FOXP2: variants seen among roughly 807,000 people sequenced by gnomAD.
The protein encoded by FOXP2 is forkhead box P2.
FOXP2 carries 12 observed loss-of-function variants against 115.8 expected under a neutral mutation model. That is an observed-to-expected ratio of 0.10 (90% CI 0.07 to 0.17). FOXP2 has a LOEUF of 0.17. Ranked by LOEUF, FOXP2 falls within the 10% of genes least tolerant of loss-of-function variation. The pLI, the probability that FOXP2 is intolerant of heterozygous loss-of-function variation, is 1.00. For missense variants in FOXP2, 629 were observed against 843.5 expected (o/e 0.75, Z 3.15); for synonymous variants, 328 against 297.7 (o/e 1.10, Z -1.05).
At chr7:114,154,637 A>G (rs1418487284) in intron 1 of FOXP2, among the ~76,000 whole-genome samples, 2 of 152,164 alleles carry the variant, frequency 1.3e-5, no homozygotes, top group Non-Finnish European at 2.9e-5. Flanking sequence ...GACAACTTAT[A>G]CAAAGAATAT....
rs556750222 is a variant in FOXP2 at position 114,480,034 on chromosome 7, A to T, written c.168+53355A>T. 4.0e-5 allele frequency among the ~76,000 whole-genome samples: 6 copies of T among 151,510 alleles called. 1 individual carries two copies. Among genetic ancestry groups the T allele is most frequent in the Admixed American group, 4.0e-4 (6 of 15,156 alleles). ...CCACAGAGTAATTTCTTGCTCTTAA[A>T]CCTTGGACTTTAGGGGGCAGTGACT... On this transcript the variant is annotated intron_variant, in intron 2 of 16. Transcript: ENST00000350908.
At chr7:114,515,538 G>A (rs1008937965) in intron 2 of FOXP2, among the ~76,000 whole-genome samples, 1 of 152,060 alleles carries the variant, frequency 6.6e-6, no homozygotes, top group African/African-American at 2.4e-5. Context: ...GTCTGTTCAT[G>A]TCCTTTGCCC....
chr7:114,240,067 G>T (rs1562831108), intron 1 of FOXP2, among the ~76,000 whole-genome samples: 1 of 152,058 alleles, frequency 6.6e-6, no homozygotes, highest in Non-Finnish European at 1.5e-5. Flanking sequence ...CCACACTCCA[G>T]CCTTCCTCAT....
chr7:114,292,940 C>T (rs779046492), intron 2 of FOXP2, among the ~76,000 whole-genome samples: 4 of 152,134 alleles, frequency 2.6e-5, no homozygotes, highest in East Asian at 1.9e-4. Flanking sequence ...GTTATTCATT[C>T]GTATATTGGC....
chr7:114,669,849 TA>T lies in FOXP2; in HGVS notation c.2003+5415del, dbSNP rs1158730359. The stretch of plus-strand genomic sequence containing the variant: ...TCTACTCAGTTGTTTCTTTTTGTAT[TA>T]AGTAATTGTTTCTCCTCATTCTCAA... On this transcript the variant is annotated intron_variant, in intron 16 of 16. Coordinates refer to ENST00000350908, the MANE Select transcript of FOXP2 (RefSeq NM_014491.4). The T allele has an allele frequency of 5.9e-5, 9 of 152,210 alleles. No individual in the cohort carries two copies. In the East Asian group the frequency reaches 1.7e-3, roughly 29 times the overall value. The allele number at this position is 152,210 out of a possible 1,614,324, so 9.4% of individuals were successfully genotyped here.
rs564334276 is a variant in FOXP2 at position 114,574,992 on chromosome 7, G to A, written c.258+40286G>A. On this transcript the variant is annotated intron_variant, in intron 3 of 16. Transcript: ENST00000350908. ...TCCTGAATGGTTCATTTTTAATGGG[G>A]ATGCTGGGTTGGAAGAAATAAGAAA... Among the ~76,000 whole-genome samples, 364 of 151,952 alleles carry A rather than the reference G, an allele frequency of 2.4e-3. 1 individual carries two copies. The highest frequency in any genetic ancestry group is 6.0e-3 in the South Asian group (29 of 4,824).
chr7:114,414,656 C>T (rs1387842466), upstream of FOXP2: 1 of 166,282 alleles, frequency 6.0e-6, no homozygotes, highest in Non-Finnish European at 1.3e-5. Flanking sequence ...TTCTTTCTGG[C>T]TTATCTGATG....
At position 114,691,256 on chromosome 7, in the gene FOXP2, CTT is replaced by C. The variant is rs1472750577; in HGVS notation, c.*1331_*1332del. The C allele has an allele frequency of 2.2e-6, 1 of 452,148 alleles. No individual in the cohort carries two copies. Among genetic ancestry groups the C allele is most frequent in the Non-Finnish European group, 4.4e-6 (1 of 226,398 alleles). 28.0% of individuals were successfully genotyped at this position (452,148 alleles called of 1,614,324 possible). A position where few individuals can be genotyped will look rare whatever the true frequency, so the allele number is the denominator to read the frequency against. ...TTGTTGTGTACTATTTTTTTATAGT[CTT>C]AAGTTATAATGAAAAAACAAAAAGT... On this transcript the variant is annotated 3_prime_UTR_variant, in exon 17 of 17. Transcript: ENST00000350908.
chr7:114,198,372 T>C (rs934098695), intron 1 of FOXP2, among the ~76,000 whole-genome samples: 4 of 152,130 alleles, frequency 2.6e-5, no homozygotes, highest in African/African-American at 7.2e-5. Context: ...GTCCCCAACA[T>C]TTTTGGCACC....
intron 2 of FOXP2, among the ~76,000 whole-genome samples, chr7:114,382,103 A>T (rs1291504294): frequency 1.3e-5 from 2 of 152,106 alleles, no homozygotes; most frequent in Non-Finnish European, 1.5e-5. Context: ...TGGAAGAGTA[A>T]AGTTCCCCAG....
At chr7:114,500,947 A>C (rs1345074339) in intron 2 of FOXP2, among the ~76,000 whole-genome samples, 8 of 152,106 alleles carry the variant, frequency 5.3e-5, no homozygotes, top group Admixed American at 5.2e-4. Context: ...TATCCATTCT[A>C]TTCTATAAAT....
chr7:114,656,731 T>G (rs2129339831), intron 10 of FOXP2: 1 of 204,412 alleles, frequency 4.9e-6, no homozygotes, highest in African/African-American at 2.3e-5. Context: ...GCTAATGTGC[T>G]TCTTCTGGCT....
At chr7:114,352,329 A>ATGTGC (rs1791512819) in intron 2 of FOXP2, among the ~76,000 whole-genome samples, 2 of 152,174 alleles carry the variant, frequency 1.3e-5, no homozygotes, top group Admixed American at 1.3e-4. Flanking sequence ...GAAAGGTTAT[A>ATGTGC]TGTGCTGTAC....
chr7:114,092,948 C>T (rs1449916962), intron 1 of FOXP2, among the ~76,000 whole-genome samples: 1 of 152,106 alleles, frequency 6.6e-6, no homozygotes, highest in Admixed American at 6.6e-5. Context: ...TGGCCAGATA[C>T]ACCATCATCT....
intron 2 of FOXP2, among the ~76,000 whole-genome samples, chr7:114,506,508 T>TG (rs939103171): frequency 3.3e-5 from 5 of 151,780 alleles, no homozygotes; most frequent in African/African-American, 1.2e-4. Flanking sequence ...ATTATCAAAT[T>TG]GTATTAATCA....
chr7:114,096,963 T>G (rs1799665920), intron 1 of FOXP2, among the ~76,000 whole-genome samples: 2 of 152,086 alleles, frequency 1.3e-5, no homozygotes, highest in African/African-American at 2.4e-5. Flanking sequence ...AAGCAAGTTG[T>G]TTATACATTT....
chr7:114,654,130 A>T (rs760294218), intron 10 of FOXP2, 121 bp downstream of exon 10: 1 of 1,578,966 alleles, frequency 6.3e-7, no homozygotes, highest in East Asian at 2.3e-5. Context: ...CAATAAAATG[A>T]AAGTAAAATG....
At chr7:114,110,465 G>A (rs1485398706) in intron 1 of FOXP2, among the ~76,000 whole-genome samples, 1 of 152,062 alleles carries the variant, frequency 6.6e-6, no homozygotes, top group Admixed American at 6.6e-5. Context: ...ATGAAAAAAG[G>A]TTAATGGATT....
chr7:114,434,112 T>A (rs115887906), intron 2 of FOXP2, among the ~76,000 whole-genome samples: 2 of 151,994 alleles, frequency 1.3e-5, no homozygotes, highest in Non-Finnish European at 2.9e-5. Context: ...GGCAGTTGTA[T>A]TCTTTCTCTA....
Sources: allele counts gnomAD v4.1 joint callset (sites outside exome capture counted in the v4.1 genomes callset), GRCh38; gene constraint gnomAD v4.1.1; transcripts MANE v1.5; gene names NCBI Gene and HGNC (gene_info 2026-07-23, HGNC 2026-07-21).